The following SUGCT variants were observed in gnomAD, a reference collection of about 807,000 sequenced individuals.
SUGCT encodes the protein succinyl-CoA:glutarate CoA-transferase.
SUGCT carries 41 observed loss-of-function variants against 55.0 expected under a neutral mutation model. The observed-to-expected ratio is 0.74, with a 90% CI of 0.58 to 0.97. The LOEUF (loss-of-function observed/expected upper bound fraction) is 0.97. Ranked by LOEUF, SUGCT falls within the 50% of genes least tolerant of loss-of-function variation. The probability of loss-of-function intolerance (pLI) is 0.00; values close to 1 mark genes in which losing one functional copy is unlikely to be tolerated. For missense variants in SUGCT, 568 were observed against 547.8 expected (o/e 1.04, Z -0.37); for synonymous variants, 187 against 200.4 (o/e 0.93, Z 0.56).
intron 4 of SUGCT, among the ~76,000 whole-genome samples, chr7:40,188,890 G>A (rs1275230320): frequency 1.3e-5 from 2 of 151,792 alleles, no homozygotes; most frequent in East Asian, 1.9e-4. Flanking sequence ...CCTAACACTC[G>A]GTATTATACT....
intron 9 of SUGCT, among the ~76,000 whole-genome samples, chr7:40,363,523 C>T (rs565492428): frequency 4.7e-4 from 72 of 152,256 alleles, no homozygotes; most frequent in African/African-American, 1.7e-3. Context: ...TCTTTGTTCT[C>T]GCTGGTTTCA....
chr7:40,693,566 G>C (rs987558966), intron 12 of SUGCT, among the ~76,000 whole-genome samples: 1 of 152,148 alleles, frequency 6.6e-6, no homozygotes, highest in Non-Finnish European at 1.5e-5. Flanking sequence ...AGGCTTTTAG[G>C]CTTCAGAGAT....
intron 12 of SUGCT, among the ~76,000 whole-genome samples, chr7:40,744,940 T>C (rs1050821749): frequency 1.3e-5 from 2 of 152,240 alleles, no homozygotes; most frequent in Non-Finnish European, 2.9e-5. Context: ...ATTTGCTCCT[T>C]TGTTATGGAG....
chr7:40,339,193 C>G (rs902901003), intron 9 of SUGCT, among the ~76,000 whole-genome samples: 1 of 152,170 alleles, frequency 6.6e-6, no homozygotes, highest in Admixed American at 6.5e-5. Flanking sequence ...ACTCAGGGAT[C>G]AGGGGCACAC....
chr7:40,655,837 C>G (rs565509784), intron 12 of SUGCT, among the ~76,000 whole-genome samples: 1 of 152,058 alleles, frequency 6.6e-6, no homozygotes, highest in Non-Finnish European at 1.5e-5. Flanking sequence ...ACTTTTAAAT[C>G]CATGTATATG....
intron 6 of SUGCT, among the ~76,000 whole-genome samples, chr7:40,207,198 A>G (rs1330280526): frequency 6.6e-6 from 1 of 152,144 alleles, no homozygotes; most frequent in Non-Finnish European, 1.5e-5. Context: ...ATCTGGCTCA[A>G]AAAAGAAAAA....
At chr7:40,671,550 T>G (rs1479711471) in intron 12 of SUGCT, among the ~76,000 whole-genome samples, 1 of 152,204 alleles carries the variant, frequency 6.6e-6, no homozygotes, top group East Asian at 1.9e-4. Context: ...CAAAATCAAT[T>G]GTATGTCTAT....
At chr7:40,280,173 A>G (rs1308951519) in intron 8 of SUGCT, among the ~76,000 whole-genome samples, 1 of 152,230 alleles carries the variant, frequency 6.6e-6, no homozygotes, top group East Asian at 1.9e-4. Flanking sequence ...AGTTCCTTGT[A>G]GAGACATGAC....
At chr7:40,391,932 C>T (rs1384263575) in intron 9 of SUGCT, among the ~76,000 whole-genome samples, 1 of 152,160 alleles carries the variant, frequency 6.6e-6, no homozygotes, top group African/African-American at 2.4e-5. Flanking sequence ...GACACACACA[C>T]ACCATGGAAT....
intron 1 of SUGCT, among the ~76,000 whole-genome samples, chr7:40,151,025 A>G (rs1358443525): frequency 6.6e-6 from 1 of 152,122 alleles, no homozygotes; most frequent in Admixed American, 6.6e-5. Context: ...TTGCAAGATC[A>G]GGAGATTGAG....
Position 40,827,992 on chromosome 7 carries a change from G to A in SUGCT, c.1154-32324G>A, listed in dbSNP as rs576052638. Among the ~76,000 whole-genome samples the A allele has an allele frequency of 1.8e-3, 267 of 152,310 alleles. 1 individual carries two copies. Among genetic ancestry groups the A allele is most frequent in the Admixed American group, 3.3e-3 (50 of 15,304 alleles). On this transcript the variant is annotated intron_variant, in intron 13 of 13. Transcript: ENST00000335693. ...TAAGCTCTGCAATGACAGTGGTCAAGCTGCTACTTCAAAATCCATGCCTGG... is the reference window on the plus strand; with the variant it reads ...TAAGCTCTGCAATGACAGTGGTCAAACTGCTACTTCAAAATCCATGCCTGG...
chr7:40,576,129 A>G (rs1425973286), intron 12 of SUGCT, among the ~76,000 whole-genome samples: 1 of 152,204 alleles, frequency 6.6e-6, no homozygotes, highest in Non-Finnish European at 1.5e-5. Flanking sequence ...TTTACATAAA[A>G]TAAAAAATAA....
chr7:40,424,879 G>A (rs1787505950), intron 9 of SUGCT, among the ~76,000 whole-genome samples: 1 of 152,050 alleles, frequency 6.6e-6, no homozygotes, highest in Admixed American at 6.6e-5. Flanking sequence ...ATAAGATTAT[G>A]TATGTAAATT....
chr7:40,424,867 G>T (rs953522385), intron 9 of SUGCT, among the ~76,000 whole-genome samples: 2 of 152,016 alleles, frequency 1.3e-5, no homozygotes, highest in South Asian at 2.1e-4. Context: ...ACTTATTGAA[G>T]AATAAGATTA....
the SUGCT span, among the ~76,000 whole-genome samples, chr7:41,033,898 T>TG: frequency 6.6e-6 from 1 of 152,044 alleles, no homozygotes; most frequent in East Asian, 1.9e-4. Context: ...AATTGGGTCT[T>TG]GGGGGGCCAA....
intron 12 of SUGCT, among the ~76,000 whole-genome samples, chr7:40,585,887 C>T (rs1222232442): frequency 6.6e-6 from 1 of 152,046 alleles, no homozygotes; most frequent in Non-Finnish European, 1.5e-5. Flanking sequence ...TGTCACGTTG[C>T]CCAGGCTGGT....
intron 13 of SUGCT, among the ~76,000 whole-genome samples, chr7:40,849,554 G>C (rs1793746679): frequency 6.6e-6 from 1 of 152,150 alleles, no homozygotes; most frequent in African/African-American, 2.4e-5. Context: ...GGCTACCTCT[G>C]TTTCCTGCAA....
At position 40,427,601 on chromosome 7, in the gene SUGCT, C is replaced by G. The variant is rs548189049; in HGVS notation, c.817-21686C>G. ...TATTGTTGTTTTTCAGTATTTAGTT[C>G]CACCTCGGTTTTTATTTTAACCTCA... On this transcript the variant is annotated intron_variant, in intron 9 of 13. Transcript: ENST00000335693. 2.0e-4 allele frequency among the ~76,000 whole-genome samples: 31 copies of G among 152,238 alleles called. No individual in the cohort carries two copies. In the South Asian group the frequency reaches 5.8e-3, roughly 29 times the overall value.
chr7:41,003,562 C>T, the SUGCT span, among the ~76,000 whole-genome samples: 2 of 152,162 alleles, frequency 1.3e-5, no homozygotes. Flanking sequence ...ACTGTTAAAT[C>T]CATGCATCAG....
Sources: gnomAD v4.1 joint callset for allele counts (sites outside exome capture counted in the v4.1 genomes callset) on GRCh38, gnomAD v4.1.1 for gene constraint, MANE v1.5 for transcripts, NCBI Gene and HGNC (gene_info 2026-07-23, HGNC 2026-07-21) for gene names.